INTS1: variants seen among roughly 807,000 people sequenced by gnomAD.
The protein encoded by INTS1 is integrator complex subunit 1.
A neutral mutation model predicts 241.6 loss-of-function variants in INTS1; 137 were observed. That is an observed-to-expected ratio of 0.57 (90% CI 0.49 to 0.65). INTS1 has a LOEUF of 0.65. INTS1 is among the 30% of genes least tolerant of loss of function. The pLI is 0.00. For missense variants in INTS1, 3,073 were observed against 3,032.2 expected (o/e 1.01, Z -0.32); for synonymous variants, 1,692 against 1,337.8 (o/e 1.26, Z -5.78).
intron 12 of INTS1, 48 bp from the exon 13 acceptor site, chr7:1,495,601 A>AG: frequency 1.9e-6 from 3 of 1,578,140 alleles, no homozygotes; most frequent in Non-Finnish European, 2.6e-6. Flanking sequence ...ATGGGCCATG[A>AG]GGGGCTAAGG....
In INTS1 at chr7:1,477,690, G is replaced by A. The variant is rs1300868120; in HGVS notation, c.4815-17C>T. 2 of 1,600,180 alleles carry A rather than the reference G, an allele frequency of 1.2e-6. No homozygotes were observed. Among genetic ancestry groups the A allele is most frequent in the Admixed American group, 1.7e-5 (1 of 58,816 alleles). ...GCCTCCAGGCTGCAGGGAGAAGGTGGCTCAGGGAAGGGCTGGTGCCACCCG... is the reference window on the plus strand; with the variant it reads ...GCCTCCAGGCTGCAGGGAGAAGGTGACTCAGGGAAGGGCTGGTGCCACCCG... On this transcript the variant is annotated splice_polypyrimidine_tract_variant and intron_variant, in intron 34 of 47. Transcript: ENST00000404767.
At chr7:1,492,070 G>A (rs754592647) in intron 16 of INTS1, among the ~76,000 whole-genome samples, 3 of 152,168 alleles carry the variant, frequency 2.0e-5, no homozygotes, top group South Asian at 2.1e-4. Flanking sequence ...TGGGGCAGCC[G>A]CTGGGGAGGG....
chr7:1,494,653 G>A (rs1782756771), intron 14 of INTS1, 163 bp downstream of exon 14: 6 of 699,122 alleles, frequency 8.6e-6, no homozygotes, highest in South Asian at 5.1e-5. Context: ...GCATGGGAGT[G>A]GGAGAAGGGT....
chr7:1,478,286 C>T (rs1781824281), intron 33 of INTS1, 80 bp downstream of exon 33: 1 of 1,488,602 alleles, frequency 6.7e-7, no homozygotes, highest in Non-Finnish European at 9.3e-7. Flanking sequence ...GTCCGTCCCC[C>T]ACTGGGCAGC....
intron 3 of INTS1, among the ~76,000 whole-genome samples, chr7:1,502,051 G>A (rs911070443): frequency 2.0e-5 from 3 of 152,112 alleles, no homozygotes; most frequent in Non-Finnish European, 4.4e-5. Context: ...CAGCAGCCTG[G>A]TCCCTCCCTG....
In INTS1 at chr7:1,475,582, G is replaced by A. The variant is rs755355831; in HGVS notation, c.5502+366C>T. ...TCTCCCCACCAGGGTCACTGGAGAG[G>A]AGCAGACGCAGCCGTCCGCCAAGAC... is the stretch of plus-strand genomic sequence containing the variant. On this transcript the variant is annotated intron_variant, in intron 39 of 47. Transcript: ENST00000404767. Among the ~76,000 whole-genome samples, 14 of 152,128 alleles carry A rather than the reference G, an allele frequency of 9.2e-5. 1 individual carries two copies. The highest frequency in any genetic ancestry group is 1.6e-4 in the Non-Finnish European group (11 of 68,028).
chr7:1,474,616 G>T, intron 40 of INTS1, 89 bp downstream of exon 40: 2 of 1,445,886 alleles, frequency 1.4e-6, no homozygotes, highest in Admixed American at 2.3e-5. Flanking sequence ...GTTGTTTTTG[G>T]AGTTTTGCTC....
intron 40 of INTS1, 136 bp downstream of exon 40, chr7:1,474,569 C>G: frequency 1.5e-6 from 2 of 1,306,558 alleles, no homozygotes; most frequent in South Asian, 1.5e-5. Context: ...CTGACTTCCC[C>G]CGGTCAAGCT....
Position 1,482,427 on chromosome 7 carries a change from C to A in INTS1, c.3703+119G>T, listed in dbSNP as rs1056849145. 6 of 986,854 alleles carry A rather than the reference C, an allele frequency of 6.1e-6. No individual in the cohort carries two copies. The Admixed American group carries it at 1.7e-4, about 28-fold the overall frequency. 61.1% of individuals were successfully genotyped at this position (986,854 alleles called of 1,614,324 possible). On this transcript the variant is annotated intron_variant, in intron 27 of 47. Coordinates refer to ENST00000404767, the MANE Select transcript of INTS1 (RefSeq NM_001080453.3). ...ATATGGTCTGCAGGATCCCCTGAGG[C>A]TACCCGGCCAGTCTTCTCCTCTGCC... is the stretch of plus-strand genomic sequence containing the variant.
In INTS1 at chr7:1,502,944, G is replaced by A. The variant is rs376805228; in HGVS notation, c.306C>T (p.Ala102=). The A allele has an allele frequency of 3.2e-5, 52 of 1,613,848 alleles. No individual in the cohort carries two copies. In the African/African-American group the frequency reaches 6.3e-4, roughly 19 times the overall value. The change falls in exon 3 of 48, where the codon GCC becomes GCT. Residue 102 remains alanine, a synonymous_variant. Coordinates refer to ENST00000404767, the MANE Select transcript of INTS1 (RefSeq NM_001080453.3). Reference sequence around the variant, plus strand: ...ATGGCTCTTTAATCGACGGAGAAATGGCTCGTTTTTCTGCCACTGCAGCCT... The same window carrying A: ...ATGGCTCTTTAATCGACGGAGAAATAGCTCGTTTTTCTGCCACTGCAGCCT... ...LAEAAVAEKR[A]ISPSIKEPSV...
At position 1,497,109 on chromosome 7, in the gene INTS1, A is replaced by G. The variant is rs1031771140; in HGVS notation, c.1602+29T>C. ...CGGCGCGTGGAACCCGCAGTGAGGGAAAGGCGCCCCAGCGGCGAGGGCTGG... is the reference window on the plus strand; with the variant it reads ...CGGCGCGTGGAACCCGCAGTGAGGGGAAGGCGCCCCAGCGGCGAGGGCTGG... On this transcript the variant is annotated intron_variant, in intron 11 of 47. Transcript: ENST00000404767. This position sits in a 1 kb window ranked among gnomAD's most constrained non-coding sequence, Gnocchi z 5.3. 11 of 1,573,882 alleles carry G rather than the reference A, an allele frequency of 7.0e-6. No individual in the cohort carries two copies. Among genetic ancestry groups the G allele is most frequent in the Non-Finnish European group, 8.6e-6 (10 of 1,162,808 alleles).
intron 12 of INTS1, among the ~76,000 whole-genome samples, chr7:1,495,939 C>T (rs924219305): frequency 1.7e-4 from 26 of 152,054 alleles, no homozygotes; most frequent in Admixed American, 4.6e-4. Context: ...ACACAAAGGA[C>T]GCTCATGGGA....
chr7:1,487,364 G>A lies in INTS1; in HGVS notation c.2602C>T (p.Arg868Cys), dbSNP rs756857960. ...AGGAGAAAGTCAGGGTTTCGGCTGC[G>A]GCACAAGAGGTGCCCGAGGCGGAGG... ...QSLRLGHLLC[R>C]SRNPDFLLHI... Residue 868 changes from arginine (R) to cysteine (C), a missense_variant, in exon 20 of 48, where the codon CGC becomes TGC. Coordinates refer to ENST00000404767, the MANE Select transcript of INTS1 (RefSeq NM_001080453.3). 1.2e-5 allele frequency: 19 copies of A among 1,609,222 alleles called. No individual in the cohort carries two copies. The highest frequency in any genetic ancestry group is 3.3e-4 in the Middle Eastern group (2 of 6,076).
intron 13 of INTS1, 45 bp from the exon 14 acceptor site, chr7:1,494,938 G>C: frequency 6.5e-7 from 1 of 1,545,676 alleles, no homozygotes; most frequent in Non-Finnish European, 8.7e-7. Flanking sequence ...TGGGTGCTCA[G>C]GGACCAGCCC....
chr7:1,479,279 C>T, intron 31 of INTS1, 151 bp downstream of exon 31: 1 of 980,378 alleles, frequency 1.0e-6, no homozygotes. Flanking sequence ...AAAAAGGGGA[C>T]CTGCCGCCAC....
intron 8 of INTS1, 27 bp downstream of exon 8, chr7:1,498,948 G>GGGGGC: frequency 4.2e-6 from 4 of 946,694 alleles, no homozygotes; most frequent in Non-Finnish European, 5.7e-6. Flanking sequence ...CCCCTGCCCC[G>GGGGGC]CCCACCCCCC....
intron 2 of INTS1, 43 bp downstream of exon 2, chr7:1,503,860 C>CCCCCAAAGAA (rs1562527408): frequency 1.5e-5 from 22 of 1,463,474 alleles, no homozygotes; most frequent in Non-Finnish European, 2.0e-5. Context: ...CCCCCAAAGA[C>CCCCCAAAGAA]CCCCAAAGAC....
intron 14 of INTS1, 106 bp downstream of exon 14, chr7:1,494,710 G>C (rs1349198417): frequency 8.1e-6 from 9 of 1,110,974 alleles, no homozygotes; most frequent in African/African-American, 1.5e-5. Context: ...TGTGACCATG[G>C]GAACAGCCGC....
Position 1,470,860 on chromosome 7 carries a change from G to A in INTS1, c.6443C>T (p.Ala2148Val), listed in dbSNP as rs1781429940. 1 of 1,591,188 alleles carries A rather than the reference G, an allele frequency of 6.3e-7. No homozygotes were observed. The highest frequency in any genetic ancestry group is 2.3e-5 in the East Asian group (1 of 43,458). The change falls in exon 47 of 48, where the codon GCT becomes GTT. Residue 2148 changes from alanine to valine, a missense_variant. Coordinates refer to ENST00000404767, the MANE Select transcript of INTS1 (RefSeq NM_001080453.3). ...QTALRNLPEY[A>V]LLCQEHAAVL... ...CCAGTCCTCACCTTGGCACAGGAGA[G>A]CGTACTCAGGCAGGTTCCGGAGGGC...
Sources: allele counts gnomAD v4.1 joint callset (sites outside exome capture counted in the v4.1 genomes callset), GRCh38; gene constraint gnomAD v4.1.1; non-coding constraint Gnocchi (gnomAD v3.1); transcripts MANE v1.5; gene names NCBI Gene and HGNC (gene_info 2026-07-23, HGNC 2026-07-21).